The following GFRA2 variants were observed in gnomAD, a reference collection of about 807,000 sequenced individuals.
GFRA2 encodes GDNF family receptor alpha 2.
In GFRA2, 17 loss-of-function variants were observed where a neutral mutation model predicts 48.3. The ratio of observed to expected loss-of-function variants is 0.35; its 90% CI spans 0.24 to 0.53. The LOEUF is 0.53. Among genes scored for constraint, GFRA2 ranks in the 20% least tolerant of loss-of-function variants. GFRA2 has a pLI of 0.93. For synonymous variants in GFRA2, 305 were observed against 257.2 expected (o/e 1.19, Z -1.78); for missense variants, 660 against 637.3 (o/e 1.04, Z -0.38).
chr8:21,765,618 A>G (rs1469955310), intron 3 of GFRA2, among the ~76,000 whole-genome samples: 2 of 151,308 alleles, frequency 1.3e-5, no homozygotes, highest in Admixed American at 6.6e-5. Flanking sequence ...TATGCTAATC[A>G]CTCTCAATCC....
At chr8:21,705,639 T>C in intron 5 of GFRA2, among the ~76,000 whole-genome samples, 1 of 152,248 alleles carries the variant, frequency 6.6e-6, no homozygotes, top group African/African-American at 2.4e-5. Context: ...AACTGCTCAG[T>C]GCAGAGCCTG....
chr8:21,745,758 A>G (rs1007630043), intron 4 of GFRA2, among the ~76,000 whole-genome samples: 10 of 152,152 alleles, frequency 6.6e-5, no homozygotes, highest in Non-Finnish European at 1.2e-4. Context: ...TTCTGGGGAC[A>G]GTGACACTTG....
chr8:21,811,214 C>T (rs1339459672), intron 1 of GFRA2, among the ~76,000 whole-genome samples: 4 of 152,138 alleles, frequency 2.6e-5, no homozygotes, highest in Non-Finnish European at 5.9e-5. Context: ...TACTTTCTGC[C>T]TCGGGCCTCC....
rs1806172194 is a variant in GFRA2, at chr8:21,766,702, G to A, written c.439+8270C>T. Among the ~76,000 whole-genome samples, 3 of 40,410 alleles carry A rather than the reference G, an allele frequency of 7.4e-5. No individual in the cohort carries two copies. The South Asian group carries it at 2.0e-3, about 28-fold the overall frequency. 26.5% of individuals were successfully genotyped at this position (40,410 alleles called of 152,430 possible). A position where few individuals can be genotyped will look rare whatever the true frequency, so the allele number is the denominator to read the frequency against. On this transcript the variant is annotated intron_variant, in intron 3 of 8. Coordinates refer to ENST00000524240, the MANE Select transcript of GFRA2 (RefSeq NM_001495.5). Reference sequence around the variant, plus strand: ...CTGGGGGGTCATTCCCCTGATGGTCGGAGCTGAGACTGTTCTGAGCCGCTC... The same window carrying A: ...CTGGGGGGTCATTCCCCTGATGGTCAGAGCTGAGACTGTTCTGAGCCGCTC...
intron 7 of GFRA2, among the ~76,000 whole-genome samples, chr8:21,700,447 C>T (rs1431674389): frequency 6.6e-6 from 1 of 152,180 alleles, no homozygotes; most frequent in African/African-American, 2.4e-5. Context: ...TGGTGGCGTC[C>T]AAGACTCCCA....
intron 4 of GFRA2, among the ~76,000 whole-genome samples, chr8:21,707,276 A>G (rs1365552534): frequency 6.6e-6 from 1 of 152,170 alleles, no homozygotes; most frequent in Non-Finnish European, 1.5e-5. Flanking sequence ...TCATGAAGCC[A>G]TCTCCGAGTT....
chr8:21,774,077 G>C (rs1806568139), intron 3 of GFRA2, among the ~76,000 whole-genome samples: 1 of 152,118 alleles, frequency 6.6e-6, no homozygotes, highest in African/African-American at 2.4e-5. Flanking sequence ...TGTGCTCAAA[G>C]ATCCCTGAGA....
chr8:21,788,866 T>A lies in GFRA2; in HGVS notation c.-707A>T. 1.1e-6 allele frequency: 1 copy of A among 890,326 alleles called. No homozygotes were observed. The highest frequency in any genetic ancestry group is 1.3e-6 in the Non-Finnish European group (1 of 743,396). 55.2% of individuals were successfully genotyped at this position (890,326 alleles called of 1,614,324 possible). ...TCGCTCGCTCTTTGCTCTCGCTCTC[T>A]CCAGCTCTCCCTCGCTCTCCTCTCT... is the stretch of plus-strand genomic sequence containing the variant. On this transcript the variant is annotated 5_prime_UTR_variant, in exon 1 of 9. Transcript: ENST00000524240.
At chr8:21,737,105 G>C (rs1008226511) in intron 4 of GFRA2, among the ~76,000 whole-genome samples, 7 of 152,100 alleles carry the variant, frequency 4.6e-5, no homozygotes, top group African/African-American at 1.7e-4. Context: ...CTGAGAGTGG[G>C]GAACTCATTA....
intron 3 of GFRA2, among the ~76,000 whole-genome samples, chr8:21,753,322 T>G (rs1345458941): frequency 2.0e-5 from 3 of 152,324 alleles, no homozygotes; most frequent in Middle Eastern, 3.4e-3. Context: ...AAAAAAATTA[T>G]GTAGGCTGGA....
chr8:21,735,731 C>T (rs997041065), intron 4 of GFRA2, among the ~76,000 whole-genome samples: 4 of 152,288 alleles, frequency 2.6e-5, no homozygotes, highest in African/African-American at 9.6e-5. Context: ...GGCGTGATCA[C>T]AGCTCACTGC....
chr8:21,731,650 C>T (rs1226596034), intron 4 of GFRA2, among the ~76,000 whole-genome samples: 3 of 152,114 alleles, frequency 2.0e-5, no homozygotes, highest in South Asian at 2.1e-4. Flanking sequence ...TAAAGTCTAA[C>T]GGCTCCTCGT....
intron 4 of GFRA2, among the ~76,000 whole-genome samples, chr8:21,734,680 G>A (rs1804362961): frequency 6.6e-6 from 1 of 152,232 alleles, no homozygotes; most frequent in Non-Finnish European, 1.5e-5. Context: ...TGCCCAGGGA[G>A]GCGAGACTTG....
intron 4 of GFRA2, among the ~76,000 whole-genome samples, chr8:21,713,044 AGGGAG>A (rs1803146537): frequency 2.0e-5 from 3 of 148,976 alleles, no homozygotes; most frequent in Non-Finnish European, 3.0e-5. Flanking sequence ...GACGAGGGAG[AGGGAG>A]AGGGAGACGA....
intron 4 of GFRA2, among the ~76,000 whole-genome samples, chr8:21,728,561 C>T (rs1343451459): frequency 6.6e-6 from 1 of 152,086 alleles, no homozygotes; most frequent in African/African-American, 2.4e-5. Context: ...ATGAATGAGC[C>T]ACGGCACCCA....
intron 4 of GFRA2, among the ~76,000 whole-genome samples, chr8:21,728,218 T>C (rs909607862): frequency 1.2e-4 from 18 of 146,342 alleles, no homozygotes; most frequent in African/African-American, 4.5e-4. Context: ...ACTGGATTCC[T>C]GGGCCCTACA....
At chr8:21,726,750 A>ATTT (rs35319026) in intron 4 of GFRA2, among the ~76,000 whole-genome samples, 9 of 113,134 alleles carry the variant, frequency 8.0e-5, no homozygotes, top group African/African-American at 1.0e-4. Context: ...CAAACACCCT[A>ATTT]TTTTTTTTTT....
chr8:21,691,838 G>A lies in GFRA2; in HGVS notation c.*1440C>T, dbSNP rs1426658366. 6.6e-6 allele frequency: 1 copy of A among 151,774 alleles called. No homozygotes were observed. The highest frequency in any genetic ancestry group is 1.5e-5 in the Non-Finnish European group (1 of 67,952). 9.4% of individuals were successfully genotyped at this position (151,774 alleles called of 1,614,324 possible). On this transcript the variant is annotated 3_prime_UTR_variant, in exon 9 of 9. Transcript: ENST00000524240. ...CCCCCAGTGTCAAACCAGCTCCTAA[G>A]AGAGCTCCATCTACACACAATGTGG...
intron 2 of GFRA2, among the ~76,000 whole-genome samples, chr8:21,799,528 T>C (rs1807735755): frequency 1.3e-5 from 2 of 152,234 alleles, no homozygotes; most frequent in South Asian, 4.1e-4. Flanking sequence ...ATTTAAGTTC[T>C]TTTTAATTCA....
Sources: allele counts gnomAD v4.1 joint callset (sites outside exome capture counted in the v4.1 genomes callset), GRCh38; gene constraint gnomAD v4.1.1; transcripts MANE v1.5; gene names NCBI Gene and HGNC (gene_info 2026-07-23, HGNC 2026-07-21).